Variants in RCOR3 observed in about 807,000 individuals in gnomAD.
RCOR3 encodes REST corepressor 3.
RCOR3 carries 13 observed loss-of-function variants against 64.1 expected under a neutral mutation model. The observed-to-expected ratio is 0.20, with a 90% CI of 0.13 to 0.32. The LOEUF is 0.32. RCOR3 is among the 10% of genes least tolerant of loss of function. The probability of loss-of-function intolerance (pLI) is 1.00; values close to 1 mark genes in which losing one functional copy is unlikely to be tolerated. For missense variants in RCOR3, 489 were observed against 701.2 expected, an observed-to-expected ratio of 0.70 and a Z score of 3.42; for synonymous variants, 215 against 239.0, an observed-to-expected ratio of 0.90 and a Z score of 0.93.
chr1:211,301,014 T>C (rs1366110326), intron 9 of RCOR3, among the ~76,000 whole-genome samples: 1 of 152,130 alleles, frequency 6.6e-6, no homozygotes, highest in Non-Finnish European at 1.5e-5. Flanking sequence ...GCTGGAGGAA[T>C]ACCTGGCTGT....
rs369658454 is a variant in RCOR3, at chr1:211,260,178, C to A, written c.223+14C>A. ...AATTTGATCCAGGTAGATATATTTG[C>A]TTAAGCAAAATCTCATATCCCCTTT... On this transcript the variant is annotated intron_variant, in intron 2 of 11. Transcript: ENST00000419091. 2.1e-5 allele frequency: 34 copies of A among 1,610,630 alleles called. No homozygotes were observed. The highest frequency in any genetic ancestry group is 2.8e-5 in the Non-Finnish European group (33 of 1,177,612).
chr1:211,295,620 T>G (rs1273537311), intron 8 of RCOR3, 56 bp from the exon 9 acceptor site: 3 of 1,417,410 alleles, frequency 2.1e-6, no homozygotes, highest in Non-Finnish European at 3.0e-6. Flanking sequence ...AATTGAGTAC[T>G]CACAAATTTA....
At chr1:211,271,356 C>A (rs375356026) in intron 3 of RCOR3, 47 bp downstream of exon 3, 36 of 1,470,434 alleles carry the variant, frequency 2.4e-5, no homozygotes, top group Middle Eastern at 1.7e-4. Context: ...AGTTTATCAG[C>A]CAATTCAAAA....
chr1:211,290,109 C>A (rs1428378012), intron 8 of RCOR3, among the ~76,000 whole-genome samples: 1 of 152,142 alleles, frequency 6.6e-6, no homozygotes, highest in East Asian at 1.9e-4. Context: ...TTGTCTTTTC[C>A]TATTTTTTGT....
intron 9 of RCOR3, among the ~76,000 whole-genome samples, chr1:211,296,599 C>T (rs1280218843): frequency 6.6e-6 from 1 of 151,916 alleles, no homozygotes; most frequent in Non-Finnish European, 1.5e-5. Flanking sequence ...AAATTATGTA[C>T]CATATGCCAT....
chr1:211,275,055 TAG>T lies in RCOR3; in HGVS notation c.354+799_354+800del, dbSNP rs532606712. On this transcript the variant is annotated intron_variant, in intron 4 of 11. Transcript: ENST00000419091. ...TCTATTATATATAATATACTATATATAGAGAGACAAATATATGGTACATTACC... is the reference window on the plus strand; with the variant it reads ...TCTATTATATATAATATACTATATATAGAGACAAATATATGGTACATTACC... Among the ~76,000 whole-genome samples the T allele has an allele frequency of 4.0e-5, 6 of 151,350 alleles. No individual in the cohort carries two copies. The South Asian group carries it at 1.2e-3, about 31-fold the overall frequency.
chr1:211,280,128 T>C (rs1288689786), intron 7 of RCOR3, among the ~76,000 whole-genome samples: 2 of 152,354 alleles, frequency 1.3e-5, no homozygotes, highest in South Asian at 4.1e-4. Context: ...ATAGAAATCT[T>C]GGATACAAGT....
At chr1:211,291,031 C>T (rs939880739) in intron 8 of RCOR3, among the ~76,000 whole-genome samples, 13 of 151,876 alleles carry the variant, frequency 8.6e-5, no homozygotes, top group African/African-American at 2.7e-4. Flanking sequence ...TAGCTTATCA[C>T]TGCATATTTA....
chr1:211,308,661 G>GTTTTTTTTT (rs780896956), intron 10 of RCOR3, among the ~76,000 whole-genome samples: 2 of 27,488 alleles, frequency 7.3e-5, no homozygotes, highest in Admixed American at 4.2e-4. Flanking sequence ...TTTTGGATGT[G>GTTTTTTTTT]TTTTTTTTTT....
intron 9 of RCOR3, 55 bp downstream of exon 9, chr1:211,295,808 T>G: frequency 2.9e-6 from 4 of 1,391,776 alleles, no homozygotes; most frequent in Non-Finnish European, 4.1e-6. Context: ...GTTTTTTCAG[T>G]TATCTAGTGC....
At chr1:211,267,878 C>T in intron 2 of RCOR3, 1 of 385,172 alleles carries the variant, frequency 2.6e-6, no homozygotes, top group Non-Finnish European at 5.1e-6. Context: ...TAGGTAAGAG[C>T]CACTGCACCC....
chr1:211,300,335 G>T (rs1417651942), intron 9 of RCOR3, among the ~76,000 whole-genome samples: 1 of 152,004 alleles, frequency 6.6e-6, no homozygotes, highest in Non-Finnish European at 1.5e-5. Context: ...CTCCCAAAGT[G>T]CTAGGATTAC....
At chr1:211,285,571 G>A (rs1698424421) in intron 7 of RCOR3, among the ~76,000 whole-genome samples, 1 of 152,214 alleles carries the variant, frequency 6.6e-6, no homozygotes, top group Non-Finnish European at 1.5e-5. Context: ...AAGGAATATA[G>A]ACCCCTGCTT....
chr1:211,266,964 T>C (rs1157794656), intron 2 of RCOR3, among the ~76,000 whole-genome samples: 2 of 152,224 alleles, frequency 1.3e-5, no homozygotes, highest in South Asian at 2.1e-4. Context: ...ATCAGCCGTT[T>C]TTGAGATACA....
At chr1:211,264,769 T>C (rs780683363) in intron 2 of RCOR3, among the ~76,000 whole-genome samples, 4 of 152,180 alleles carry the variant, frequency 2.6e-5, no homozygotes, top group Non-Finnish European at 4.4e-5. Context: ...AGTTAAGAGA[T>C]TAGGAACAGT....
chr1:211,312,536 T>C lies in RCOR3; in HGVS notation c.1076-184T>C. On this transcript the variant is annotated intron_variant, in intron 10 of 11. Coordinates refer to ENST00000419091, the MANE Select transcript of RCOR3 (RefSeq NM_001136223.3). This position sits in a 1 kb window ranked among gnomAD's most constrained non-coding sequence, Gnocchi z 5.0. ...AAGGCAAGTGGCTGGCTCGATGAAA[T>C]GACATAACTGATAGTTTTCATCTGT... The C allele has an allele frequency of 1.5e-6, 1 of 648,148 alleles. No homozygotes were observed. Among genetic ancestry groups the C allele is most frequent in the Non-Finnish European group, 2.8e-6 (1 of 357,084 alleles). The allele number at this position is 648,148 out of a possible 1,614,324, so 40.1% of individuals were successfully genotyped here. A position where few individuals can be genotyped will look rare whatever the true frequency, so the allele number is the denominator to read the frequency against.
intron 9 of RCOR3, among the ~76,000 whole-genome samples, chr1:211,298,609 G>C (rs1255970136): frequency 6.6e-6 from 1 of 152,184 alleles, no homozygotes; most frequent in Non-Finnish European, 1.5e-5. Context: ...CTTGGATGCA[G>C]AGAAGGAATG....
intron 9 of RCOR3, among the ~76,000 whole-genome samples, chr1:211,297,296 A>C (rs115141024): frequency 0.013 from 1,961 of 152,172 alleles, 28 homozygotes; most frequent in Non-Finnish European, 0.018. Context: ...ATCTCATTTG[A>C]TTTTTATGTA....
intron 10 of RCOR3, among the ~76,000 whole-genome samples, chr1:211,311,022 GCA>G (rs1701434432): frequency 6.6e-6 from 1 of 152,052 alleles, no homozygotes; most frequent in Non-Finnish European, 1.5e-5. Flanking sequence ...TTTAGAAATG[GCA>G]CAGAGACTCA....
Sources: gnomAD v4.1 joint callset for allele counts (sites outside exome capture counted in the v4.1 genomes callset) on GRCh38, gnomAD v4.1.1 for gene constraint, Gnocchi (gnomAD v3.1) non-coding constraint, MANE v1.5 for transcripts, NCBI Gene and HGNC (gene_info 2026-07-23, HGNC 2026-07-21) for gene names.